The following BABAM2 variants were observed in gnomAD, a reference collection of about 807,000 sequenced individuals.
The protein encoded by BABAM2 is BRISC and BRCA1-A complex member 2.
BABAM2 carries 31 observed loss-of-function variants against 54.7 expected under a neutral mutation model. That is an observed-to-expected ratio of 0.57 (90% CI 0.43 to 0.77). The LOEUF is 0.77. BABAM2 is among the 30% of genes least tolerant of loss of function. BABAM2 has a pLI of 0.00. For missense variants in BABAM2, 364 were observed against 455.8 expected, an observed-to-expected ratio of 0.80 and a Z score of 1.83; for synonymous variants, 167 against 162.9, an observed-to-expected ratio of 1.03 and a Z score of -0.19.
chr2:28,020,225 G>A lies in BABAM2; in HGVS notation c.301-5001G>A, dbSNP rs181531726. 3.9e-5 allele frequency among the ~76,000 whole-genome samples: 6 copies of A among 152,282 alleles called. No individual in the cohort carries two copies. The East Asian group carries it at 5.8e-4, about 15-fold the overall frequency. On this transcript the variant is annotated intron_variant, in intron 4 of 11. Transcript: ENST00000379624. ...GTAGAAGAGACAATTGGAGTCTGAC[G>A]TCATAAAATGTATAAATGACAAATG...
intron 7 of BABAM2, among the ~76,000 whole-genome samples, chr2:28,153,960 T>C (rs913924566): frequency 6.6e-5 from 10 of 152,190 alleles, no homozygotes; most frequent in Non-Finnish European, 1.5e-4. Flanking sequence ...TTTTTCTTAG[T>C]ATTCAGCAGA....
chr2:27,926,093 C>CTTT (rs77326542), intron 2 of BABAM2, among the ~76,000 whole-genome samples: 2 of 142,236 alleles, frequency 1.4e-5, no homozygotes, highest in African/African-American at 5.1e-5. Context: ...CTCTTGTGGT[C>CTTT]TTTTTTTTTT....
At chr2:28,260,891 A>G (rs892247591) in intron 10 of BABAM2, among the ~76,000 whole-genome samples, 1 of 149,528 alleles carries the variant, frequency 6.7e-6, no homozygotes, top group Non-Finnish European at 1.5e-5. Flanking sequence ...ATTTCTAAGT[A>G]TATTTTTAAG....
At chr2:28,211,284 A>G (rs190569908) in intron 7 of BABAM2, among the ~76,000 whole-genome samples, 1 of 152,268 alleles carries the variant, frequency 6.6e-6, no homozygotes, top group East Asian at 1.9e-4. Flanking sequence ...TTTCAAGCAT[A>G]CATAGAACAA....
At chr2:28,106,102 G>T (rs1198653523) in intron 6 of BABAM2, among the ~76,000 whole-genome samples, 1 of 151,824 alleles carries the variant, frequency 6.6e-6, no homozygotes, top group African/African-American at 2.4e-5. Flanking sequence ...ACTTTAGTAT[G>T]TATTTCTTAG....
intron 7 of BABAM2, among the ~76,000 whole-genome samples, chr2:28,187,006 C>T (rs970302203): frequency 1.7e-4 from 26 of 152,214 alleles, no homozygotes; most frequent in Admixed American, 1.4e-3. Flanking sequence ...GGGGTTTCAC[C>T]GTGTTAGCTA....
intron 4 of BABAM2, among the ~76,000 whole-genome samples, chr2:28,013,947 A>G (rs929158992): frequency 3.9e-5 from 6 of 152,186 alleles, no homozygotes; most frequent in African/African-American, 1.4e-4. Flanking sequence ...GGATTTAAGA[A>G]GATAAATCCC....
At chr2:28,316,256 T>A (rs970048090) in intron 11 of BABAM2, among the ~76,000 whole-genome samples, 4 of 152,266 alleles carry the variant, frequency 2.6e-5, no homozygotes, top group East Asian at 3.9e-4. Flanking sequence ...GAGGCTCACC[T>A]GCCTGCTAGC....
chr2:28,013,250 C>A, intron 4 of BABAM2: 1 of 411,960 alleles, frequency 2.4e-6, no homozygotes. Flanking sequence ...AAGATTCTGA[C>A]ACCCTGGCAC....
At chr2:27,904,986 C>T (rs1437821338) in intron 2 of BABAM2, among the ~76,000 whole-genome samples, 3 of 152,168 alleles carry the variant, frequency 2.0e-5, no homozygotes, top group Non-Finnish European at 4.4e-5. Context: ...TTCCATACTG[C>T]GTGCTTACTG....
chr2:27,999,530 T>C (rs1267946929), intron 4 of BABAM2, among the ~76,000 whole-genome samples: 1 of 152,218 alleles, frequency 6.6e-6, no homozygotes, highest in Non-Finnish European at 1.5e-5. Context: ...TAGAATACAG[T>C]GCTAAGGATT....
chr2:28,007,626 A>T (rs937360801), intron 4 of BABAM2, among the ~76,000 whole-genome samples: 3 of 152,174 alleles, frequency 2.0e-5, no homozygotes, highest in Admixed American at 6.5e-5. Context: ...TACAGGTTTT[A>T]TGAACTGGGA....
chr2:28,100,763 G>A (rs1186809750), intron 6 of BABAM2, among the ~76,000 whole-genome samples: 1 of 152,200 alleles, frequency 6.6e-6, no homozygotes, highest in Non-Finnish European at 1.5e-5. Context: ...GATGCCAAAT[G>A]AAGGGGCAAG....
chr2:28,078,455 C>T (rs1664876493), intron 6 of BABAM2, among the ~76,000 whole-genome samples: 1 of 151,998 alleles, frequency 6.6e-6, no homozygotes, highest in Admixed American at 6.6e-5. Flanking sequence ...GAAAAAAACC[C>T]TATGCTGAGG....
chr2:27,986,406 A>G (rs1205298179), intron 3 of BABAM2, among the ~76,000 whole-genome samples: 1 of 152,002 alleles, frequency 6.6e-6, no homozygotes, highest in East Asian at 1.9e-4. Flanking sequence ...GCAAAGTTCA[A>G]ATATTTATTC....
At chr2:27,925,998 C>T (rs1209985307) in intron 2 of BABAM2, among the ~76,000 whole-genome samples, 1 of 152,144 alleles carries the variant, frequency 6.6e-6, no homozygotes, top group Non-Finnish European at 1.5e-5. Context: ...GTAGGTGATA[C>T]CATCTACAAA....
At chr2:28,209,235 C>T (rs751036252) in intron 7 of BABAM2, among the ~76,000 whole-genome samples, 2 of 152,150 alleles carry the variant, frequency 1.3e-5, no homozygotes, top group Admixed American at 6.5e-5. Context: ...CTCTCTCAGT[C>T]CCCTGATTCT....
At chr2:28,073,789 A>T (rs926144267) in intron 6 of BABAM2, among the ~76,000 whole-genome samples, 1 of 152,124 alleles carries the variant, frequency 6.6e-6, no homozygotes, top group African/African-American at 2.4e-5. Context: ...TAATTTAATT[A>T]ATGGTGCTAG....
chr2:28,325,821 A>G lies in BABAM2; in HGVS notation c.1089-12629A>G, dbSNP rs1327841786. On this transcript the variant is annotated intron_variant, in intron 11 of 11. Coordinates refer to ENST00000379624, the MANE Select transcript of BABAM2 (RefSeq NM_199191.3). The surrounding 1 kb of genome is among the most constrained non-coding windows in gnomAD (Gnocchi z 4.3). The stretch of plus-strand genomic sequence containing the variant: ...AGGGGCCTGAGCACCTGTGGAAGCC[A>G]TGAGCTCTGGCCTCTGGATGCTGAG... Among the ~76,000 whole-genome samples, 6 of 152,344 alleles carry G rather than the reference A, an allele frequency of 3.9e-5. No homozygotes were observed. Among genetic ancestry groups the G allele is most frequent in the African/African-American group, 7.2e-5 (3 of 41,578 alleles).
Sources: gnomAD v4.1 joint callset for allele counts (sites outside exome capture counted in the v4.1 genomes callset) on GRCh38, gnomAD v4.1.1 for gene constraint, Gnocchi (gnomAD v3.1) non-coding constraint, MANE v1.5 for transcripts, NCBI Gene and HGNC (gene_info 2026-07-23, HGNC 2026-07-21) for gene names.